ZRANB1: variants seen among roughly 807,000 people sequenced by gnomAD.
ZRANB1 encodes ubiquitin thioesterase ZRANB1.
In ZRANB1, 16 loss-of-function variants were observed where a neutral mutation model predicts 80.5. That is an observed-to-expected ratio of 0.20 (90% CI 0.13 to 0.30). The LOEUF is 0.30. Among genes scored for constraint, ZRANB1 ranks in the 10% least tolerant of loss-of-function variants. The pLI is 1.00. For synonymous variants in ZRANB1, 291 were observed against 293.1 expected, an observed-to-expected ratio of 0.99 and a Z score of 0.07; for missense variants, 576 against 862.6, an observed-to-expected ratio of 0.67 and a Z score of 4.16.
At chr10:124,933,460 A>G in the ZRANB1 span, among the ~76,000 whole-genome samples, 1 of 152,196 alleles carries the variant, frequency 6.6e-6, no homozygotes, top group Non-Finnish European at 1.5e-5. Flanking sequence ...TTCTGAATGA[A>G]GTAGCATGTT....
At chr10:124,922,260 A>AATATATATAT in the ZRANB1 span, among the ~76,000 whole-genome samples, 149 of 105,932 alleles carry the variant, frequency 1.4e-3, no homozygotes, top group African/African-American at 4.6e-3. Flanking sequence ...ATATATGTAA[A>AATATATATAT]ATATATATAT....
chr10:124,967,747 C>A (rs886525377), intron 2 of ZRANB1, among the ~76,000 whole-genome samples: 2 of 152,024 alleles, frequency 1.3e-5, no homozygotes, highest in Admixed American at 1.3e-4. Flanking sequence ...GGCCCTCAGT[C>A]TGAAGAAGTA....
At chr10:124,917,756 G>C in the ZRANB1 span, among the ~76,000 whole-genome samples, 2 of 152,112 alleles carry the variant, frequency 1.3e-5, no homozygotes, top group Non-Finnish European at 2.9e-5. Flanking sequence ...GCCATTTGTA[G>C]GAAAATAAAG....
the ZRANB1 span, among the ~76,000 whole-genome samples, chr10:124,921,483 GTGTGTTTCTC>G: frequency 6.6e-6 from 1 of 152,112 alleles, no homozygotes; most frequent in Non-Finnish European, 1.5e-5. Context: ...AAATAGGTGT[GTGTGTTTCTC>G]TTGTATTGGA....
rs772841950 is a variant in ZRANB1 at position 124,973,639 on chromosome 10, T to C, written c.1157-6T>C. On this transcript the variant is annotated splice_polypyrimidine_tract_variant and splice_region_variant and intron_variant, in intron 3 of 8. Transcript: ENST00000359653. The stretch of plus-strand genomic sequence containing the variant: ...AAGATCTTTTAAGTTTGCATTTTCT[T>C]TGTAGATATTGAAGATTTGCCCCCA... 1 of 1,608,576 alleles carries C rather than the reference T, an allele frequency of 6.2e-7. No individual in the cohort carries two copies.
the ZRANB1 span, among the ~76,000 whole-genome samples, chr10:124,932,854 C>T: frequency 5.5e-4 from 84 of 152,110 alleles, 3 homozygotes; most frequent in Middle Eastern, 3.4e-3. Context: ...CGAGCCACCC[C>T]CCTGCATTTG....
the ZRANB1 span, among the ~76,000 whole-genome samples, chr10:124,926,325 T>A: frequency 2.3e-4 from 35 of 152,250 alleles, no homozygotes; most frequent in Admixed American, 5.9e-4. Flanking sequence ...ATTTTTAATT[T>A]TTAAAAAAAC....
chr10:124,979,378 A>C (rs1051760843), intron 5 of ZRANB1, among the ~76,000 whole-genome samples: 4 of 151,980 alleles, frequency 2.6e-5, no homozygotes, highest in African/African-American at 7.3e-5. Context: ...TTTTAAATGG[A>C]TTGTCTTAAT....
upstream of ZRANB1, among the ~76,000 whole-genome samples, chr10:124,938,799 T>C (rs1449111324): frequency 1.3e-5 from 2 of 151,962 alleles, no homozygotes; most frequent in African/African-American, 4.8e-5. Context: ...CTTGAACTCC[T>C]GTACTCAAAT....
chr10:124,946,437 AAAAG>A (rs1420013137), intron 1 of ZRANB1: 1 of 149,272 alleles, frequency 6.7e-6, no homozygotes, highest in Non-Finnish European at 1.5e-5. Context: ...AAAAAAAAAG[AAAAG>A]AAAAGTGGAA....
chr10:124,957,743 TC>T (rs201819071), intron 1 of ZRANB1, among the ~76,000 whole-genome samples: 1 of 152,048 alleles, frequency 6.6e-6, no homozygotes, highest in Non-Finnish European at 1.5e-5. Flanking sequence ...TTTTTTTTTT[TC>T]GAGAGGAAGT....
At chr10:124,943,922 T>C (rs1951558774) in intron 1 of ZRANB1, among the ~76,000 whole-genome samples, 1 of 152,210 alleles carries the variant, frequency 6.6e-6, no homozygotes, top group South Asian at 2.1e-4. Context: ...TCCAAGAAGT[T>C]GAACAAACAT....
At chr10:124,933,771 C>G in the ZRANB1 span, among the ~76,000 whole-genome samples, 1 of 152,156 alleles carries the variant, frequency 6.6e-6, no homozygotes, top group Non-Finnish European at 1.5e-5. Context: ...GAACTATGCT[C>G]TAAGATAGGT....
the ZRANB1 span, among the ~76,000 whole-genome samples, chr10:124,918,806 T>C: frequency 6.6e-6 from 1 of 152,246 alleles, no homozygotes; most frequent in African/African-American, 2.4e-5. Flanking sequence ...GCTCTAAAGA[T>C]AGGCAGTCTC....
rs1262346413 is a variant in ZRANB1 at position 124,985,169 on chromosome 10, GGAGACA to G, written c.*182_*187del. On this transcript the variant is annotated 3_prime_UTR_variant, in exon 9 of 9. Transcript: ENST00000359653. The stretch of plus-strand genomic sequence containing the variant: ...TGGAGATAATGCCTCTGCTGCGTGA[GGAGACA>G]GAGAACTTTAGTTGGACTACAGTTT... 1.9e-6 allele frequency: 1 copy of G among 527,752 alleles called. No homozygotes were observed. The highest frequency in any genetic ancestry group is 1.9e-5 in the African/African-American group (1 of 52,252). 32.7% of individuals were successfully genotyped at this position (527,752 alleles called of 1,614,324 possible).
intron 2 of ZRANB1, among the ~76,000 whole-genome samples, chr10:124,969,624 A>G (rs537648183): frequency 3.9e-5 from 6 of 152,376 alleles, no homozygotes; most frequent in Non-Finnish European, 5.9e-5. Flanking sequence ...AAAAATAAGA[A>G]GTAAATGAGA....
At chr10:124,958,656 C>T (rs1951706234) in intron 1 of ZRANB1, among the ~76,000 whole-genome samples, 1 of 152,052 alleles carries the variant, frequency 6.6e-6, no homozygotes, top group Non-Finnish European at 1.5e-5. Context: ...TGTAATATGA[C>T]ATTGAATTGC....
chr10:124,972,255 A>G (rs1951833397), intron 3 of ZRANB1, 137 bp downstream of exon 3: 1 of 774,900 alleles, frequency 1.3e-6, no homozygotes, highest in Non-Finnish European at 2.0e-6. Context: ...TGACTGTCTT[A>G]TATATGCTGG....
intron 1 of ZRANB1, among the ~76,000 whole-genome samples, chr10:124,948,327 T>G (rs1358490238): frequency 6.6e-6 from 1 of 152,228 alleles, no homozygotes; most frequent in Non-Finnish European, 1.5e-5. Flanking sequence ...GTTTATGCTA[T>G]TAGTAAGGCT....
Sources: allele counts gnomAD v4.1 joint callset (sites outside exome capture counted in the v4.1 genomes callset), GRCh38; gene constraint gnomAD v4.1.1; transcripts MANE v1.5; gene names NCBI Gene and HGNC (gene_info 2026-07-23, HGNC 2026-07-21).